Variants in AOX1 observed in about 807,000 individuals in gnomAD.
The protein encoded by AOX1 is aldehyde oxidase.
AOX1 carries 153 observed loss-of-function variants against 169.5 expected under a neutral mutation model. The observed-to-expected ratio is 0.90, with a 90% CI of 0.79 to 1.03. The LOEUF (loss-of-function observed/expected upper bound fraction) is 1.03. AOX1 is among the 50% of genes least tolerant of loss of function. The pLI is 0.00. For missense variants in AOX1, 1,656 were observed against 1,663.9 expected, an observed-to-expected ratio of 1.00 and a Z score of 0.08; for synonymous variants, 562 against 581.9, an observed-to-expected ratio of 0.97 and a Z score of 0.49.
rs747697694 is a variant in AOX1, at chr2:200,608,950, C to T, written c.908-34C>T. 5.0e-6 allele frequency: 8 copies of T among 1,599,698 alleles called. No individual in the cohort carries two copies. The African/African-American group carries it at 1.1e-4, about 21-fold the overall frequency. ...TGGACATTTTCAGATCAGCAGTGAT[C>T]GCACTGTGTTATTTACAAATGACTT... On this transcript the variant is annotated intron_variant, in intron 10 of 34. Transcript: ENST00000374700.
intron 31 of AOX1, among the ~76,000 whole-genome samples, chr2:200,665,162 AAGAG>A (rs761250019): frequency 2.6e-5 from 4 of 152,236 alleles, no homozygotes; most frequent in East Asian, 1.9e-4. Context: ...CCAAGAGAAA[AAGAG>A]AGAGCATGTG....
chr2:200,612,424 A>G (rs1202535094), intron 13 of AOX1, among the ~76,000 whole-genome samples, 185 bp from the exon 14 acceptor site: 1 of 152,198 alleles, frequency 6.6e-6, no homozygotes, highest in Non-Finnish European at 1.5e-5. Context: ...TCAATGTGAT[A>G]CTCAACATAC....
At chr2:200,674,193 G>A (rs1180638838), downstream of AOX1, among the ~76,000 whole-genome samples, 2 of 152,220 alleles carry the variant, frequency 1.3e-5, no homozygotes, top group African/African-American at 2.4e-5. Flanking sequence ...AGCTGATGCA[G>A]AAGGAAAAAG....
downstream of AOX1, among the ~76,000 whole-genome samples, chr2:200,677,856 A>G (rs1402437475): frequency 6.6e-6 from 1 of 152,166 alleles, no homozygotes; most frequent in Non-Finnish European, 1.5e-5. Flanking sequence ...GTTGAAACCG[A>G]GCATACCCGC....
At chr2:200,602,021 G>A (rs576947890) in intron 5 of AOX1, among the ~76,000 whole-genome samples, 1 of 151,896 alleles carries the variant, frequency 6.6e-6, no homozygotes, top group African/African-American at 2.4e-5. Context: ...TGAAATTATT[G>A]TGTTGTTTGA....
intron 29 of AOX1, among the ~76,000 whole-genome samples, chr2:200,661,333 T>G (rs1190251943): frequency 6.6e-6 from 1 of 152,230 alleles, no homozygotes; most frequent in East Asian, 1.9e-4. Context: ...GAACATATGT[T>G]GATGACTTTA....
In AOX1 at chr2:200,659,066, A is replaced by G. The variant is rs2035752595; in HGVS notation, c.3172-99A>G. 4.3e-6 allele frequency: 5 copies of G among 1,150,276 alleles called. No homozygotes were observed. The Admixed American group carries it at 7.6e-5, about 17-fold the overall frequency. 71.3% of individuals were successfully genotyped at this position (1,150,276 alleles called of 1,614,324 possible). ...GTGGTTCTGCTCCCTTGTCCCTGTC[A>G]TGGGTATGAGGGTATCACACATGTG... On this transcript the variant is annotated intron_variant, in intron 27 of 34. Transcript: ENST00000374700.
Position 200,595,488 on chromosome 2 carries a change from G to A in AOX1, c.200+120G>A, listed in dbSNP as rs750270729. ...ATGTGAAAAGAACTGGCCACTTGGC[G>A]TACAATGATGAACAAGACAGACATG... On this transcript the variant is annotated intron_variant, in intron 3 of 34. Transcript: ENST00000374700. 75 of 591,682 alleles carry A rather than the reference G, an allele frequency of 1.3e-4. No individual in the cohort carries two copies. In the Middle Eastern group the frequency reaches 2.8e-3, roughly 22 times the overall value. The allele number at this position is 591,682 out of a possible 1,614,324, so 36.7% of individuals were successfully genotyped here. A position where few individuals can be genotyped will look rare whatever the true frequency, so the allele number is the denominator to read the frequency against.
intron 17 of AOX1, 47 bp downstream of exon 17, chr2:200,620,866 C>T (rs1427431626): frequency 6.4e-7 from 1 of 1,554,140 alleles, no homozygotes; most frequent in South Asian, 1.2e-5. Flanking sequence ...ATTGTCTTTT[C>T]ATCTAAGTCA....
At position 200,641,184 on chromosome 2, in the gene AOX1, C is replaced by T. The variant is rs200451350; in HGVS notation, c.2655C>T (p.Phe885=). 7.2e-5 allele frequency: 116 copies of T among 1,602,702 alleles called. No homozygotes were observed. The East Asian group carries it at 1.1e-3, about 15-fold the overall frequency. Residue 885 remains phenylalanine, a splice_region_variant and synonymous_variant, in exon 24 of 35, where the codon TTC becomes TTT. Transcript: ENST00000374700. ...GCGCCTCCTTGGATGAATCATTATT[C>T]GTAAGTGTTTTAAGGAGCAAGTTCA... ...NAGASLDESL[F]VIEMGLLKMD...
At chr2:200,592,403 G>A (rs1043277786) in intron 1 of AOX1, among the ~76,000 whole-genome samples, 28 of 152,336 alleles carry the variant, frequency 1.8e-4, no homozygotes, top group African/African-American at 5.3e-4. Flanking sequence ...GGCAAAGCAA[G>A]TCATGCTTCT....
rs114992220 is a variant in AOX1 at position 200,620,054 on chromosome 2, C to G, written c.1705-596C>G. On this transcript the variant is annotated intron_variant, in intron 16 of 34. Coordinates refer to ENST00000374700, the MANE Select transcript of AOX1 (RefSeq NM_001159.4). Reference sequence around the variant, plus strand: ...AAGAAGAAAGATTTAAATTTGTTTACTTACACAAATGGAATTTCCATTTGA... The same window carrying G: ...AAGAAGAAAGATTTAAATTTGTTTAGTTACACAAATGGAATTTCCATTTGA... 5.0e-3 allele frequency among the ~76,000 whole-genome samples: 755 copies of G among 152,192 alleles called. 10 individuals are homozygous for G. The highest frequency in any genetic ancestry group is 0.017 in the African/African-American group (712 of 41,524).
intron 8 of AOX1, among the ~76,000 whole-genome samples, 176 bp from the exon 9 acceptor site, chr2:200,604,520 C>T (rs1426691703): frequency 2.0e-5 from 3 of 152,164 alleles, no homozygotes; most frequent in South Asian, 2.1e-4. Context: ...AAAGAACCAT[C>T]GTGCTTTTAT....
chr2:200,668,481 A>G, intron 32 of AOX1, 134 bp from the exon 33 acceptor site: 1 of 755,452 alleles, frequency 1.3e-6, no homozygotes, highest in Non-Finnish European at 2.1e-6. Flanking sequence ...TTTCAGCAAC[A>G]TGCTCCAAGA....
chr2:200,677,877 G>A (rs114689909), downstream of AOX1, among the ~76,000 whole-genome samples: 1,259 of 152,244 alleles, frequency 8.3e-3, 18 homozygotes, highest in African/African-American at 0.028. Context: ...CCTGCATGTC[G>A]CACACTCCAC....
chr2:200,649,345 C>T (rs1051023111), intron 25 of AOX1, among the ~76,000 whole-genome samples: 1 of 152,116 alleles, frequency 6.6e-6, no homozygotes, highest in Non-Finnish European at 1.5e-5. Flanking sequence ...CAGGTAAAGT[C>T]GGAATCTTCT....
intron 12 of AOX1, among the ~76,000 whole-genome samples, chr2:200,610,892 C>T (rs1014988164): frequency 6.6e-6 from 1 of 152,020 alleles, no homozygotes; most frequent in African/African-American, 2.4e-5. Context: ...CTCACTTTGT[C>T]ATCCAGGCTG....
chr2:200,640,719 A>T (rs1007169735), intron 23 of AOX1, among the ~76,000 whole-genome samples: 2 of 152,222 alleles, frequency 1.3e-5, no homozygotes, highest in African/African-American at 4.8e-5. Flanking sequence ...AAAGGACTGG[A>T]TTATAGTGAC....
intron 1 of AOX1, among the ~76,000 whole-genome samples, chr2:200,590,486 A>G (rs1308204768): frequency 6.6e-6 from 1 of 152,046 alleles, no homozygotes; most frequent in Non-Finnish European, 1.5e-5. Context: ...TCCCTGTATC[A>G]TTCCCAGAGC....
Sources: gnomAD v4.1 joint callset for allele counts (sites outside exome capture counted in the v4.1 genomes callset) on GRCh38, gnomAD v4.1.1 for gene constraint, MANE v1.5 for transcripts, NCBI Gene and HGNC (gene_info 2026-07-23, HGNC 2026-07-21) for gene names.